The following IRAK1BP1 variants were observed in gnomAD, a reference collection of about 807,000 sequenced individuals.
IRAK1BP1 encodes the protein interleukin 1 receptor associated kinase 1 binding protein 1.
A neutral mutation model predicts 28.0 loss-of-function variants in IRAK1BP1; 24 were observed. That is an observed-to-expected ratio of 0.86 (90% confidence interval 0.62 to 1.20). IRAK1BP1 has a LOEUF of 1.20. Among genes scored for constraint, IRAK1BP1 ranks in the 50% most tolerant of loss-of-function variants. The probability of loss-of-function intolerance (pLI) is 0.00; values close to 1 mark genes in which losing one functional copy is unlikely to be tolerated. For missense variants in IRAK1BP1, 336 were observed against 316.7 expected, an observed-to-expected ratio of 1.06 and a Z score of -0.46; for synonymous variants, 131 against 116.3, an observed-to-expected ratio of 1.13 and a Z score of -0.81.
At chr6:78,930,658 C>A (rs1030555619) in intron 4 of IRAK1BP1, among the ~76,000 whole-genome samples, 2 of 151,994 alleles carry the variant, frequency 1.3e-5, no homozygotes, top group African/African-American at 4.8e-5. Context: ...GGCTGGGCAC[C>A]GTGGCTCACA....
chr6:78,963,717 A>G, the IRAK1BP1 span, among the ~76,000 whole-genome samples: 1 of 152,190 alleles, frequency 6.6e-6, no homozygotes, highest in Non-Finnish European at 1.5e-5. Context: ...TATGCTTATT[A>G]CTCATAAATT....
chr6:78,935,639 T>C (rs1773249593), intron 4 of IRAK1BP1: 5 of 982,884 alleles, frequency 5.1e-6, no homozygotes, highest in African/African-American at 1.7e-5. Flanking sequence ...GACCTTCAGT[T>C]GTTTTGGAAT....
the IRAK1BP1 span, chr6:78,965,975 G>A: frequency 6.2e-7 from 1 of 1,610,856 alleles, no homozygotes; most frequent in South Asian, 1.1e-5. Flanking sequence ...CAGACTATCA[G>A]GGTACTCAAG....
At chr6:78,903,923 T>A (rs1249230454), downstream of IRAK1BP1, among the ~76,000 whole-genome samples, 1 of 152,208 alleles carries the variant, frequency 6.6e-6, no homozygotes, top group African/African-American at 2.4e-5. Flanking sequence ...GCCCTAATTA[T>A]TTTTTATCTT....
At chr6:78,869,770 T>G (rs1252508878) in intron 1 of IRAK1BP1, among the ~76,000 whole-genome samples, 1 of 152,078 alleles carries the variant, frequency 6.6e-6, no homozygotes, top group African/African-American at 2.4e-5. Flanking sequence ...AAACATCACT[T>G]CCCTGCTTAA....
At chr6:78,937,112 TAC>T (rs1773300131) in intron 4 of IRAK1BP1, 1 of 151,760 alleles carries the variant, frequency 6.6e-6, no homozygotes, top group South Asian at 2.1e-4. Flanking sequence ...GCAGAACACT[TAC>T]AGTCCTTTAA....
At chr6:78,956,567 T>C in the IRAK1BP1 span, 1 of 152,132 alleles carries the variant, frequency 6.6e-6, no homozygotes, top group African/African-American at 2.4e-5. Flanking sequence ...TAGATTCATA[T>C]TCAAAGCCAC....
the IRAK1BP1 span, among the ~76,000 whole-genome samples, chr6:78,979,387 T>A: frequency 6.6e-6 from 1 of 152,092 alleles, no homozygotes; most frequent in African/African-American, 2.4e-5. Context: ...ATGCTATCAA[T>A]TTTATAAACA....
rs1468996390 is a variant in IRAK1BP1, at chr6:78,941,656, T to TG, written c.*68-3750dup. Reference sequence around the variant, plus strand: ...TCCTAACTTAGAAATAAGTTACTCTTGGTCAAAAACTTTGTTCTTAGAACT... The same window carrying TG: ...TCCTAACTTAGAAATAAGTTACTCTTGGGTCAAAAACTTTGTTCTTAGAACT... On this transcript the variant is annotated intron_variant and NMD_transcript_variant, in intron 4 of 4. Transcript: ENST00000606868. Among the ~76,000 whole-genome samples the TG allele has an allele frequency of 2.0e-5, 3 of 152,102 alleles. No individual in the cohort carries two copies. The East Asian group carries it at 5.8e-4, about 29-fold the overall frequency.
intron 2 of IRAK1BP1, among the ~76,000 whole-genome samples, chr6:78,893,312 G>GTATATATATATATATATATA (rs1188973498): frequency 1.6e-5 from 1 of 64,190 alleles, no homozygotes; most frequent in Non-Finnish European, 3.2e-5. Flanking sequence ...GTGTGTGTGT[G>GTATATATATATATATATATA]TGTATATATA....
At chr6:78,919,902 G>A (rs1160328290) in intron 4 of IRAK1BP1, among the ~76,000 whole-genome samples, 1 of 152,160 alleles carries the variant, frequency 6.6e-6, no homozygotes, top group Non-Finnish European at 1.5e-5. Flanking sequence ...CATCCCTGAT[G>A]AACTTAGACA....
intron 1 of IRAK1BP1, among the ~76,000 whole-genome samples, chr6:78,878,175 A>G (rs1247124734): frequency 4.6e-5 from 7 of 152,152 alleles, no homozygotes; most frequent in Admixed American, 4.6e-4. Flanking sequence ...TTGAGATCTG[A>G]GAACGGACAG....
intron 4 of IRAK1BP1, among the ~76,000 whole-genome samples, chr6:78,913,883 G>T (rs1373831462): frequency 6.6e-6 from 1 of 152,180 alleles, no homozygotes; most frequent in African/African-American, 2.4e-5. Context: ...GTGAACAGAT[G>T]ATATACTGTT....
chr6:78,973,027 C>T, the IRAK1BP1 span, among the ~76,000 whole-genome samples: 5 of 152,064 alleles, frequency 3.3e-5, no homozygotes, highest in East Asian at 1.9e-4. Flanking sequence ...ATACAGAGAA[C>T]GCCATAAAGA....
At chr6:78,891,147 GAAGGACATGTACAACT>G (rs1456108448) in intron 2 of IRAK1BP1, among the ~76,000 whole-genome samples, 2 of 152,156 alleles carry the variant, frequency 1.3e-5, no homozygotes, top group Admixed American at 1.3e-4. Flanking sequence ...CAGAGGGTTT[GAAGGACATGTACAACT>G]AAGAAAGCAA....
the IRAK1BP1 span, among the ~76,000 whole-genome samples, chr6:78,959,736 G>A: frequency 6.6e-6 from 1 of 151,884 alleles, no homozygotes; most frequent in Admixed American, 6.6e-5. Context: ...TTCCTAAATT[G>A]GCTACAAAAC....
intron 4 of IRAK1BP1, chr6:78,945,373 G>A: frequency 6.2e-7 from 1 of 1,613,556 alleles, no homozygotes; most frequent in Non-Finnish European, 8.5e-7. Context: ...TTTTACGTTT[G>A]ACTGGCTTTT....
chr6:78,891,159 CAACT>C (rs1412650674), intron 2 of IRAK1BP1, among the ~76,000 whole-genome samples: 19 of 152,158 alleles, frequency 1.2e-4, no homozygotes, highest in African/African-American at 4.1e-4. Context: ...AGGACATGTA[CAACT>C]AAGAAAGCAA....
the IRAK1BP1 span, among the ~76,000 whole-genome samples, chr6:78,963,634 G>C: frequency 2.0e-5 from 3 of 152,078 alleles, no homozygotes; most frequent in Non-Finnish European, 1.5e-5. Context: ...ACATTTTCTA[G>C]AAATACTTCA....
Sources: gnomAD v4.1 joint callset for allele counts (sites outside exome capture counted in the v4.1 genomes callset) on GRCh38, gnomAD v4.1.1 for gene constraint, MANE v1.5 for transcripts, NCBI Gene and HGNC (gene_info 2026-07-23, HGNC 2026-07-21) for gene names.